The following FRMD6 variants were observed in gnomAD, a reference collection of about 807,000 sequenced individuals.
FRMD6 encodes FERM domain-containing protein 6.
In FRMD6, 37 loss-of-function variants were observed where a neutral mutation model predicts 73.2. The observed-to-expected ratio is 0.51, with a 90% CI of 0.39 to 0.66. The LOEUF (loss-of-function observed/expected upper bound fraction) is 0.66, where lower values mean the gene tolerates loss of function less well. FRMD6 is among the 30% of genes least tolerant of loss of function. FRMD6 has a pLI of 0.00. For synonymous variants in FRMD6, 273 were observed against 282.2 expected, an observed-to-expected ratio of 0.97 and a Z score of 0.33; for missense variants, 714 against 780.5, an observed-to-expected ratio of 0.91 and a Z score of 1.02.
Position 51,715,406 on chromosome 14 carries a change from A to G in FRMD6, c.931A>G (p.Arg311Gly). Residue 311 changes from arginine (R) to glycine (G), a missense_variant, in exon 10 of 14, where the codon AGA becomes GGA. Physicochemically the swap from Arg to Gly is moderately radical, Grantham distance 125 (BLOSUM62 -2). Coordinates refer to ENST00000344768, the MANE Select transcript of FRMD6 (RefSeq NM_001267046.2). ...IYYTGCPMRS[R>G]HLLQLLSNSH... ...CTACACGGGGTGCCCCATGCGCTCC[A>G]GACACCTCCTGCAACTTCTGAGCAA... is the stretch of plus-strand genomic sequence containing the variant. 1 of 1,613,936 alleles carries G rather than the reference A, an allele frequency of 6.2e-7. No homozygotes were observed. Among genetic ancestry groups the G allele is most frequent in the Non-Finnish European group, 8.5e-7 (1 of 1,179,876 alleles).
chr14:51,492,872 G>A (rs1380640103), intron 1 of FRMD6, among the ~76,000 whole-genome samples: 1 of 152,142 alleles, frequency 6.6e-6, no homozygotes, highest in Non-Finnish European at 1.5e-5. Flanking sequence ...ATGTAAATGG[G>A]GGTTGTAATT....
At chr14:51,534,460 G>A (rs1885770416) in intron 1 of FRMD6, among the ~76,000 whole-genome samples, 1 of 152,046 alleles carries the variant, frequency 6.6e-6, no homozygotes, top group Non-Finnish European at 1.5e-5. Flanking sequence ...TGTTTCTTTT[G>A]GATACAATCC....
intron 2 of FRMD6, among the ~76,000 whole-genome samples, chr14:51,618,221 C>T (rs1017334435): frequency 2.6e-5 from 4 of 151,908 alleles, no homozygotes; most frequent in Non-Finnish European, 5.9e-5. Flanking sequence ...TATTAAGGCC[C>T]AAGGATGAAA....
intron 1 of FRMD6, among the ~76,000 whole-genome samples, chr14:51,677,752 C>A (rs975377674): frequency 1.3e-5 from 2 of 152,080 alleles, no homozygotes; most frequent in Non-Finnish European, 2.9e-5. Context: ...GTTAACACAC[C>A]GCCAGATCTA....
At chr14:51,592,032 T>C (rs960767291) in intron 2 of FRMD6, among the ~76,000 whole-genome samples, 13 of 152,210 alleles carry the variant, frequency 8.5e-5, no homozygotes, top group Non-Finnish European at 1.5e-4. Context: ...TACCTATATA[T>C]ACTCCATAGG....
intron 2 of FRMD6, among the ~76,000 whole-genome samples, chr14:51,580,313 C>T (rs763290938): frequency 6.6e-6 from 1 of 152,194 alleles, no homozygotes; most frequent in Non-Finnish European, 1.5e-5. Flanking sequence ...GCCCAGCAGG[C>T]TCAACCTGGA....
chr14:51,617,805 T>C (rs1379147230), intron 2 of FRMD6, among the ~76,000 whole-genome samples: 1 of 152,158 alleles, frequency 6.6e-6, no homozygotes, highest in East Asian at 1.9e-4. Context: ...ATTTTTCTTC[T>C]TTAAACCTGT....
chr14:51,398,807 T>G, the FRMD6 span, among the ~76,000 whole-genome samples: 1 of 152,134 alleles, frequency 6.6e-6, no homozygotes, highest in Non-Finnish European at 1.5e-5. Context: ...TTCACTGGTC[T>G]CCAGGTTTTC....
chr14:51,528,343 G>A (rs928993062), intron 1 of FRMD6, among the ~76,000 whole-genome samples: 2 of 152,154 alleles, frequency 1.3e-5, no homozygotes, highest in African/African-American at 2.4e-5. Context: ...CAAAGCACTA[G>A]GAGCACTAGG....
At chr14:51,666,669 G>T (rs530004699) in intron 1 of FRMD6, among the ~76,000 whole-genome samples, 148 of 152,246 alleles carry the variant, frequency 9.7e-4, no homozygotes, top group Middle Eastern at 6.8e-3. Flanking sequence ...AGATAATTTT[G>T]TAACAAAATA....
chr14:51,507,197 G>A (rs1011778285), intron 1 of FRMD6, among the ~76,000 whole-genome samples: 1 of 151,530 alleles, frequency 6.6e-6, no homozygotes, highest in Admixed American at 6.6e-5. Context: ...GCTACGGTCG[G>A]CTAACCCTGA....
intron 1 of FRMD6, among the ~76,000 whole-genome samples, chr14:51,661,091 G>A (rs1409041906): frequency 6.6e-6 from 1 of 152,180 alleles, no homozygotes; most frequent in Non-Finnish European, 1.5e-5. Flanking sequence ...TTTGTGCAGA[G>A]GAGTGAGAGG....
intron 2 of FRMD6, among the ~76,000 whole-genome samples, chr14:51,589,748 C>G (rs914323280): frequency 2.0e-5 from 3 of 152,156 alleles, no homozygotes; most frequent in Admixed American, 6.5e-5. Flanking sequence ...CCATAGAACA[C>G]AAGTTAGTCC....
At chr14:51,709,624 T>C (rs1472208249) in intron 7 of FRMD6, among the ~76,000 whole-genome samples, 1 of 152,196 alleles carries the variant, frequency 6.6e-6, no homozygotes, top group Admixed American at 6.6e-5. Context: ...AAAGGCATAA[T>C]TGAGTTCCAT....
At chr14:51,593,933 T>C (rs1252252494) in intron 2 of FRMD6, among the ~76,000 whole-genome samples, 1 of 152,068 alleles carries the variant, frequency 6.6e-6, no homozygotes, top group African/African-American at 2.4e-5. Flanking sequence ...TTTCCAAGAA[T>C]AGAATCCCCC....
chr14:51,617,202 AC>A (rs1007531789), intron 2 of FRMD6, among the ~76,000 whole-genome samples: 4 of 152,190 alleles, frequency 2.6e-5, no homozygotes, highest in Non-Finnish European at 5.9e-5. Context: ...TGCTCTCCAC[AC>A]ACATTTTTAC....
chr14:51,480,783 G>A, the FRMD6 span, among the ~76,000 whole-genome samples: 1 of 152,080 alleles, frequency 6.6e-6, no homozygotes, highest in Non-Finnish European at 1.5e-5. Flanking sequence ...GCTTAAGTGA[G>A]CTACTACATG....
chr14:51,480,805 G>A, the FRMD6 span, among the ~76,000 whole-genome samples: 1 of 152,168 alleles, frequency 6.6e-6, no homozygotes, highest in Non-Finnish European at 1.5e-5. Context: ...TAGGTGCTTA[G>A]AGCAGTGCCT....
intron 2 of FRMD6, among the ~76,000 whole-genome samples, chr14:51,694,550 G>C (rs1895816814): frequency 6.6e-6 from 1 of 152,004 alleles, no homozygotes; most frequent in Admixed American, 6.6e-5. Context: ...AATTAGCCAG[G>C]CATGGTGGCA....
Sources: allele counts gnomAD v4.1 joint callset (sites outside exome capture counted in the v4.1 genomes callset), GRCh38; gene constraint gnomAD v4.1.1; transcripts MANE v1.5; gene names NCBI Gene and HGNC (gene_info 2026-07-23, HGNC 2026-07-21).